SKI: variants seen among roughly 807,000 people sequenced by gnomAD.
The protein encoded by SKI is ski oncogene.
A neutral mutation model predicts 59.3 loss-of-function variants in SKI; 23 were observed. That is an observed-to-expected ratio of 0.39 (90% CI 0.28 to 0.55). The LOEUF (loss-of-function observed/expected upper bound fraction) is 0.55, where lower values mean the gene tolerates loss of function less well. Ranked by LOEUF, SKI falls within the 20% of genes least tolerant of loss-of-function variation. The pLI is 0.67. For missense variants in SKI, 1,017 were observed against 1,038.9 expected (o/e 0.98, Z 0.29); for synonymous variants, 673 against 488.6 (o/e 1.38, Z -4.98).
chr1:2,267,197 A>G lies in SKI; in HGVS notation c.970-35781A>G, dbSNP rs1356997754. On this transcript the variant is annotated intron_variant, in intron 1 of 6. Coordinates refer to ENST00000378536, the MANE Select transcript of SKI (RefSeq NM_003036.4). This position sits in a 1 kb window ranked among gnomAD's most constrained non-coding sequence, Gnocchi z 4.1. ...GCCAGCACTGAACTGGTTTTGTAAC[A>G]AGCTTGGTGTCCATATCGCTCTTAA... Among the ~76,000 whole-genome samples the G allele has an allele frequency of 1.3e-5, 2 of 152,190 alleles. No homozygotes were observed. Among genetic ancestry groups the G allele is most frequent in the Non-Finnish European group, 2.9e-5 (2 of 68,034 alleles).
At chr1:2,249,130 G>C (rs544651076) in intron 1 of SKI, among the ~76,000 whole-genome samples, 1 of 152,370 alleles carries the variant, frequency 6.6e-6, no homozygotes. Context: ...CTGCCACCCT[G>C]ATGGTCGGCT....
chr1:2,234,126 C>T (rs780698981), intron 1 of SKI, among the ~76,000 whole-genome samples: 6 of 152,192 alleles, frequency 3.9e-5, no homozygotes, highest in Non-Finnish European at 5.9e-5. Context: ...GGTCTGCCCC[C>T]CAGGTGAGGG....
intron 1 of SKI, among the ~76,000 whole-genome samples, chr1:2,230,757 G>C (rs909486829): frequency 1.5e-4 from 23 of 152,280 alleles, no homozygotes; most frequent in African/African-American, 5.3e-4. Context: ...TGCACACACA[G>C]AATGCTGCAT....
Position 2,306,747 on chromosome 1 carries a change from T to A in SKI, c.2169T>A (p.Ala723=). ...CCGAGGCTGCGGGCAGCGAGGGCGC[T>A]GCGGAGCTGGAGCCGTAGATTCCGT... The part of the protein sequence containing the change: ...ARPEAAGSEG[A]AELEP The change falls in exon 7 of 7, where the codon GCT becomes GCA. Residue 723 remains alanine, a synonymous_variant. Transcript: ENST00000378536. 3 of 1,525,076 alleles carry A rather than the reference T, an allele frequency of 2.0e-6. No homozygotes were observed. The highest frequency in any genetic ancestry group is 1.8e-6 in the Non-Finnish European group (2 of 1,139,126). 94.5% of individuals were successfully genotyped at this position (1,525,076 alleles called of 1,614,324 possible).
chr1:2,237,885 G>T (rs1369563894), intron 1 of SKI, among the ~76,000 whole-genome samples: 3 of 152,232 alleles, frequency 2.0e-5, no homozygotes, highest in Non-Finnish European at 2.9e-5. Context: ...GCCCTCTGTG[G>T]GAGGTCTGAG....
intron 1 of SKI, among the ~76,000 whole-genome samples, chr1:2,235,517 G>A (rs1159167548): frequency 6.6e-6 from 1 of 152,252 alleles, no homozygotes; most frequent in Non-Finnish European, 1.5e-5. Context: ...CATGATAAGC[G>A]ATAGCTCTTA....
chr1:2,300,287 C>A (rs1640393263), intron 1 of SKI, among the ~76,000 whole-genome samples: 1 of 152,262 alleles, frequency 6.6e-6, no homozygotes, highest in South Asian at 2.1e-4. Context: ...GATGGGGCAG[C>A]CCCTTGCAGG....
chr1:2,253,801 C>T (rs908234130), intron 1 of SKI, among the ~76,000 whole-genome samples: 4 of 152,162 alleles, frequency 2.6e-5, no homozygotes, highest in Non-Finnish European at 5.9e-5. Flanking sequence ...TGTTGTGCCC[C>T]CCCTACCAGG....
chr1:2,246,998 G>A (rs1385727232), intron 1 of SKI, among the ~76,000 whole-genome samples: 1 of 152,216 alleles, frequency 6.6e-6, no homozygotes, highest in Non-Finnish European at 1.5e-5. Flanking sequence ...TGAGGCCAGC[G>A]GATCACAAGG....
chr1:2,309,134 A>T lies in SKI; in HGVS notation c.*2369A>T, dbSNP rs1254268124. 2 of 152,290 alleles carry T rather than the reference A, an allele frequency of 1.3e-5. No homozygotes were observed. The highest frequency in any genetic ancestry group is 4.8e-5 in the African/African-American group (2 of 41,448). The allele number at this position is 152,290 out of a possible 1,614,324, so 9.4% of individuals were successfully genotyped here. The stretch of plus-strand genomic sequence containing the variant: ...GGCCTGAGGGGGCAGCTGTGGCTGC[A>T]GGGCTGCTCTGGACTGAGGGGTCCC... On this transcript the variant is annotated 3_prime_UTR_variant, in exon 7 of 7. Transcript: ENST00000378536.
chr1:2,240,327 G>A (rs905535512), intron 1 of SKI, among the ~76,000 whole-genome samples: 1 of 152,240 alleles, frequency 6.6e-6, no homozygotes, highest in African/African-American at 2.4e-5. Context: ...TCCTGGGCCT[G>A]GAGGAACGTG....
intron 1 of SKI, among the ~76,000 whole-genome samples, chr1:2,233,818 C>A (rs985248329): frequency 6.6e-6 from 1 of 152,074 alleles, no homozygotes; most frequent in Non-Finnish European, 1.5e-5. Context: ...CTGTTTTAAG[C>A]TGAAATGATC....
intron 1 of SKI, among the ~76,000 whole-genome samples, chr1:2,230,114 G>A (rs1317391883): frequency 1.3e-5 from 2 of 152,214 alleles, no homozygotes; most frequent in African/African-American, 2.4e-5. Context: ...GCCACGGCCC[G>A]GATGCCTCAG....
chr1:2,303,197 C>T lies in SKI; in HGVS notation c.1096-88C>T. 3.1e-6 allele frequency: 5 copies of T among 1,598,756 alleles called. No individual in the cohort carries two copies. The highest frequency in any genetic ancestry group is 1.1e-5 in the South Asian group (1 of 90,784). On this transcript the variant is annotated intron_variant, in intron 2 of 6. Transcript: ENST00000378536. This position sits in a 1 kb window ranked among gnomAD's most constrained non-coding sequence, Gnocchi z 5.6. ...GGCTGGCAGCTCCACCTGCCCGCTA[C>T]TGAGGGCTGGCACCCGGCGCAGCCT...
chr1:2,297,910 C>T (rs915994055), intron 1 of SKI, among the ~76,000 whole-genome samples: 2 of 152,228 alleles, frequency 1.3e-5, no homozygotes, highest in Admixed American at 6.5e-5. Flanking sequence ...CAGGAGAAGA[C>T]GCTGAGGGGA....
intron 1 of SKI, among the ~76,000 whole-genome samples, chr1:2,266,837 CTTG>C (rs906769823): frequency 5.0e-4 from 76 of 152,272 alleles, no homozygotes; most frequent in African/African-American, 1.7e-3. Flanking sequence ...GGCTGAGGCT[CTTG>C]TTGTGGGAGA....
At position 2,306,824 on chromosome 1, in the gene SKI, G is replaced by A; in HGVS notation, c.*59G>A. Reference sequence around the variant, plus strand: ...CGCGGGTGCAGGGGGGCGCGGCTGGGCGGTGCAGCTCCGCCCGGCTCCGCC... The same window carrying A: ...CGCGGGTGCAGGGGGGCGCGGCTGGACGGTGCAGCTCCGCCCGGCTCCGCC... On this transcript the variant is annotated 3_prime_UTR_variant, in exon 7 of 7. Transcript: ENST00000378536. 1 of 1,280,702 alleles carries A rather than the reference G, an allele frequency of 7.8e-7. No individual in the cohort carries two copies. The allele number at this position is 1,280,702 out of a possible 1,614,324, so 79.3% of individuals were successfully genotyped here.
At chr1:2,262,862 G>T (rs1400030030) in intron 1 of SKI, among the ~76,000 whole-genome samples, 1 of 152,016 alleles carries the variant, frequency 6.6e-6, no homozygotes, top group South Asian at 2.1e-4. Flanking sequence ...CCCTTCAGTC[G>T]TGATGTATTA....
chr1:2,257,703 C>T (rs1639302454), intron 1 of SKI, among the ~76,000 whole-genome samples: 1 of 152,038 alleles, frequency 6.6e-6, no homozygotes, highest in Non-Finnish European at 1.5e-5. Context: ...TCTGGATTTG[C>T]AAAAGATTTT....
Sources: allele counts gnomAD v4.1 joint callset (sites outside exome capture counted in the v4.1 genomes callset), GRCh38; gene constraint gnomAD v4.1.1; non-coding constraint Gnocchi (gnomAD v3.1); transcripts MANE v1.5; gene names NCBI Gene and HGNC (gene_info 2026-07-23, HGNC 2026-07-21).